The following ARHGEF38 variants were observed in gnomAD, a reference collection of about 807,000 sequenced individuals.
ARHGEF38 encodes the protein Rho guanine nucleotide exchange factor (GEF) 38.
A neutral mutation model predicts 79.9 loss-of-function variants in ARHGEF38; 79 were observed. The observed-to-expected ratio is 0.99, with a 90% confidence interval of 0.82 to 1.19. ARHGEF38 has a LOEUF of 1.19. ARHGEF38 is among the 50% of genes most tolerant of loss of function. The pLI is 0.00. For missense variants in ARHGEF38, 962 were observed against 907.2 expected (o/e 1.06, Z -0.78); for synonymous variants, 366 against 328.3 (o/e 1.11, Z -1.24).
At chr4:105,625,642 A>T (rs1728912654) in intron 3 of ARHGEF38, among the ~76,000 whole-genome samples, 1 of 152,240 alleles carries the variant, frequency 6.6e-6, no homozygotes, top group African/African-American at 2.4e-5. Flanking sequence ...CTGCCTCTTC[A>T]GGAAAATTCC....
intron 9 of ARHGEF38, among the ~76,000 whole-genome samples, chr4:105,656,939 A>G (rs1730351587): frequency 6.6e-6 from 1 of 152,118 alleles, no homozygotes. Flanking sequence ...CATCTGAGCT[A>G]ATATGATAGA....
intron 1 of ARHGEF38, among the ~76,000 whole-genome samples, chr4:105,555,861 GTTCAA>G: frequency 6.6e-6 from 1 of 152,226 alleles, no homozygotes; most frequent in Admixed American, 6.5e-5. Context: ...TAGTCTATCT[GTTCAA>G]TTCAATTTCT....
chr4:105,609,720 A>G (rs997085322), intron 2 of ARHGEF38, among the ~76,000 whole-genome samples: 14 of 152,122 alleles, frequency 9.2e-5, no homozygotes, highest in African/African-American at 2.9e-4. Context: ...AATTATTTAA[A>G]TGTAATGGGA....
chr4:105,603,744 T>A (rs959330685), intron 2 of ARHGEF38, among the ~76,000 whole-genome samples: 2 of 152,176 alleles, frequency 1.3e-5, no homozygotes, highest in African/African-American at 4.8e-5. Flanking sequence ...CAAGCATCCC[T>A]GACCCCCAAG....
Position 105,654,152 on chromosome 4 carries a change from T to A in ARHGEF38, c.1096T>A (p.Cys366Ser), listed in dbSNP as rs1443783393. The change falls in exon 8 of 14, where the codon TGT becomes AGT. Residue 366 changes from cysteine to serine, a missense_variant. Transcript: ENST00000420470. The part of the protein sequence containing the change: ...VRLCVKNISL[C>S]LQHIQDAMPL... ...GCTTTGTGTGAAGAACATTTCACTC[T>A]GTCTTCAACACATACAGGTAGGTGA... is the stretch of plus-strand genomic sequence containing the variant. The A allele has an allele frequency of 3.3e-6, 5 of 1,499,976 alleles. No individual in the cohort carries two copies. In the South Asian group the frequency reaches 6.5e-5, roughly 19 times the overall value. 92.9% of individuals were successfully genotyped at this position (1,499,976 alleles called of 1,614,324 possible).
chr4:105,615,871 C>A (rs1578314687), intron 3 of ARHGEF38, among the ~76,000 whole-genome samples: 1 of 152,104 alleles, frequency 6.6e-6, no homozygotes, highest in East Asian at 1.9e-4. Context: ...TTAAATGATG[C>A]TGTTTGGATA....
chr4:105,591,579 G>C (rs1341565463), intron 2 of ARHGEF38, among the ~76,000 whole-genome samples: 4 of 152,162 alleles, frequency 2.6e-5, no homozygotes, highest in African/African-American at 9.7e-5. Context: ...GGGAAAACCA[G>C]TATAGGTCAA....
chr4:105,585,726 C>CTTTT (rs3056719), intron 1 of ARHGEF38, among the ~76,000 whole-genome samples: 18,283 of 69,986 alleles, frequency 0.26, 6,991 homozygotes, highest in African/African-American at 0.32. Flanking sequence ...CCCTCCGTTG[C>CTTTT]TTTTTTTTTT....
chr4:105,666,805 A>G (rs1730768167), intron 11 of ARHGEF38, among the ~76,000 whole-genome samples: 1 of 152,180 alleles, frequency 6.6e-6, no homozygotes, highest in Non-Finnish European at 1.5e-5. Flanking sequence ...TGAATACTTA[A>G]TATGCAACGG....
At chr4:105,620,411 A>G (rs1728690923) in intron 3 of ARHGEF38, among the ~76,000 whole-genome samples, 1 of 152,198 alleles carries the variant, frequency 6.6e-6, no homozygotes, top group South Asian at 2.1e-4. Context: ...GGTTTTTATG[A>G]AGATTTGACA....
At chr4:105,650,516 C>T (rs1730055325) in intron 7 of ARHGEF38, among the ~76,000 whole-genome samples, 1 of 152,164 alleles carries the variant, frequency 6.6e-6, no homozygotes, top group Non-Finnish European at 1.5e-5. Context: ...CTTTACTCTG[C>T]CCCTGCCTCA....
At chr4:105,595,616 C>T (rs745822086) in intron 2 of ARHGEF38, among the ~76,000 whole-genome samples, 12 of 151,998 alleles carry the variant, frequency 7.9e-5, no homozygotes, top group South Asian at 2.1e-4. Flanking sequence ...TCAGTATCTA[C>T]GGGGCACTGG....
At chr4:105,652,525 T>A (rs1327031675) in intron 7 of ARHGEF38, among the ~76,000 whole-genome samples, 2 of 152,068 alleles carry the variant, frequency 1.3e-5, no homozygotes, top group Admixed American at 1.3e-4. Flanking sequence ...ATAAACAGGA[T>A]TTTGCAAGGC....
chr4:105,679,907 A>G lies in ARHGEF38; in HGVS notation c.*1970A>G. On this transcript the variant is annotated 3_prime_UTR_variant, in exon 14 of 14. Coordinates refer to ENST00000420470, the MANE Select transcript of ARHGEF38 (RefSeq NM_001242729.2). The stretch of plus-strand genomic sequence containing the variant: ...ACCACGAGGAGCCACATTGGTTGCC[A>G]CCAAAACTTTATAATTACCTCTCTG... The G allele has an allele frequency of 7.0e-7, 1 of 1,424,968 alleles. No individual in the cohort carries two copies. Among genetic ancestry groups the G allele is most frequent in the South Asian group, 1.1e-5 (1 of 87,072 alleles). 88.3% of individuals were successfully genotyped at this position (1,424,968 alleles called of 1,614,324 possible).
chr4:105,558,266 AG>A (rs1725348024), intron 1 of ARHGEF38, among the ~76,000 whole-genome samples: 1 of 152,212 alleles, frequency 6.6e-6, no homozygotes. Context: ...ACAGTCTGTC[AG>A]GGAGCAGAAA....
intron 1 of ARHGEF38, among the ~76,000 whole-genome samples, chr4:105,553,266 C>G (rs1248808612): frequency 6.6e-6 from 1 of 151,970 alleles, no homozygotes; most frequent in Non-Finnish European, 1.5e-5. Context: ...CTTCTCTACC[C>G]AACTTAAGAA....
intron 7 of ARHGEF38, among the ~76,000 whole-genome samples, chr4:105,652,700 G>A (rs1730154870): frequency 6.8e-6 from 1 of 147,118 alleles, no homozygotes. Context: ...AATATCTGGT[G>A]ACGCCTCCTT....
intron 9 of ARHGEF38, 35 bp from the exon 10 acceptor site, chr4:105,659,019 T>G: frequency 6.7e-7 from 1 of 1,501,018 alleles, no homozygotes; most frequent in Non-Finnish European, 8.9e-7. Flanking sequence ...GGGCTGATCC[T>G]CTCTCTGAAA....
intron 10 of ARHGEF38, among the ~76,000 whole-genome samples, chr4:105,660,880 A>T (rs188964657): frequency 1.2e-3 from 177 of 152,262 alleles, no homozygotes; most frequent in African/African-American, 4.0e-3. Flanking sequence ...AAAGTATACA[A>T]TTTGATTATT....
Sources: gnomAD v4.1 joint callset for allele counts (sites outside exome capture counted in the v4.1 genomes callset) on GRCh38, gnomAD v4.1.1 for gene constraint, MANE v1.5 for transcripts, NCBI Gene and HGNC (gene_info 2026-07-23, HGNC 2026-07-21) for gene names.